The following SPATS2 variants were observed in gnomAD, a reference collection of about 807,000 sequenced individuals.
SPATS2 encodes spermatogenesis associated serine rich 2, also known as spermatogenesis-associated serine-rich protein 2.
Under a neutral mutation model 63.7 loss-of-function variants are expected in SPATS2, and 38 were observed. That is an observed-to-expected ratio of 0.60 (90% CI 0.46 to 0.78). The LOEUF (loss-of-function observed/expected upper bound fraction) is 0.78. Ranked by LOEUF, SPATS2 falls within the 30% of genes least tolerant of loss-of-function variation. The probability of loss-of-function intolerance (pLI) is 0.00; values close to 1 mark genes in which losing one functional copy is unlikely to be tolerated. For synonymous variants in SPATS2, 207 were observed against 232.9 expected (o/e 0.89, Z 1.01); for missense variants, 588 against 666.2 (o/e 0.88, Z 1.29).
intron 2 of SPATS2, among the ~76,000 whole-genome samples, chr12:49,372,058 T>C (rs1944007719): frequency 6.6e-6 from 1 of 152,058 alleles, no homozygotes; most frequent in African/African-American, 2.4e-5. Context: ...TTTTTATTTG[T>C]TTTTTTGGAG....
At chr12:49,478,905 T>A (rs1161457600) in intron 3 of SPATS2, among the ~76,000 whole-genome samples, 1 of 152,134 alleles carries the variant, frequency 6.6e-6, no homozygotes, top group African/African-American at 2.4e-5. Flanking sequence ...AGGAGCTTTA[T>A]TGAGTGTTAC....
chr12:49,411,518 A>G (rs1468614473), intron 2 of SPATS2, among the ~76,000 whole-genome samples: 2 of 152,218 alleles, frequency 1.3e-5, no homozygotes, highest in Non-Finnish European at 2.9e-5. Flanking sequence ...TTTTCTTCAT[A>G]GAGTAGACTT....
chr12:49,504,770 C>CTTTTTTTTTTTTTTTTTTTTTTT (rs745453843), intron 9 of SPATS2, among the ~76,000 whole-genome samples: 28 of 98,800 alleles, frequency 2.8e-4, no homozygotes, highest in Non-Finnish European at 4.3e-4. Flanking sequence ...TTCTTTCTTT[C>CTTTTTTTTTTTTTTTTTTTTTTT]TTTTTTTTTT....
chr12:49,514,967 GAGA>G (rs1946814277), intron 10 of SPATS2, among the ~76,000 whole-genome samples: 1 of 152,124 alleles, frequency 6.6e-6, no homozygotes, highest in African/African-American at 2.4e-5. Context: ...AGCATAATCA[GAGA>G]AGACTTCATT....
At chr12:49,428,333 AT>A (rs1474536653) in intron 2 of SPATS2, among the ~76,000 whole-genome samples, 2 of 152,072 alleles carry the variant, frequency 1.3e-5, no homozygotes, top group Non-Finnish European at 2.9e-5. Flanking sequence ...CATTTTAACC[AT>A]TTTGAAGTGG....
At chr12:49,428,945 C>G (rs1179290679) in intron 2 of SPATS2, among the ~76,000 whole-genome samples, 1 of 152,058 alleles carries the variant, frequency 6.6e-6, no homozygotes, top group Non-Finnish European at 1.5e-5. Context: ...AGTAATACAG[C>G]TGAGGATAAT....
intron 3 of SPATS2, among the ~76,000 whole-genome samples, chr12:49,470,419 C>A (rs1385885695): frequency 6.6e-6 from 1 of 152,152 alleles, no homozygotes; most frequent in South Asian, 2.1e-4. Flanking sequence ...GCCTTTTGTT[C>A]ACTTCCACCT....
In SPATS2 at chr12:49,484,613, T is replaced by C. The variant is rs1946258181; in HGVS notation, c.49T>C (p.Leu17=). ...QKDSSGFIFD[L]QSNTVLAQGG... ...AGATTCATCAGGATTCATTTTTGAT[T>C]TGCAGTCCAATACCGTACTGGCCCA... Residue 17 remains leucine (L), a synonymous_variant, in exon 4 of 14, where the codon TTG becomes CTG. Transcript: ENST00000552918. The C allele has an allele frequency of 4.3e-6, 7 of 1,613,904 alleles. No individual in the cohort carries two copies. In the South Asian group the frequency reaches 7.7e-5, roughly 18 times the overall value.
intron 2 of SPATS2, among the ~76,000 whole-genome samples, chr12:49,453,538 T>G (rs999615976): frequency 2.0e-5 from 3 of 152,122 alleles, no homozygotes; most frequent in African/African-American, 7.2e-5. Flanking sequence ...TGGGCTGGGC[T>G]CAGTGCTTCA....
At position 49,519,136 on chromosome 12, in the gene SPATS2, T is replaced by C. The variant is rs199788848; in HGVS notation, c.962T>C (p.Val321Ala). 1.9e-6 allele frequency: 3 copies of C among 1,614,108 alleles called. No individual in the cohort carries two copies. The highest frequency in any genetic ancestry group is 2.5e-6 in the Non-Finnish European group (3 of 1,180,006). Residue 321 changes from valine to alanine, a missense_variant, in exon 11 of 14, where the codon GTT becomes GCT. Val to Ala is a moderately conservative substitution (Grantham distance 64, BLOSUM62 0). Transcript: ENST00000552918. ...ELLKKMTHVA[V>A]QMSEQQLVEL... ...CTAAAGAAGATGACTCATGTGGCTG[T>C]TCAAATGTCAGAGCAGCAATTGGTT...
At chr12:49,493,003 C>G (rs1946407756) in intron 6 of SPATS2, among the ~76,000 whole-genome samples, 1 of 150,978 alleles carries the variant, frequency 6.6e-6, no homozygotes, top group Non-Finnish European at 1.5e-5. Flanking sequence ...GAGGCCAAGT[C>G]AGGAGAATTG....
intron 2 of SPATS2, among the ~76,000 whole-genome samples, chr12:49,438,608 A>T (rs1945359230): frequency 1.3e-5 from 2 of 152,206 alleles, no homozygotes; most frequent in Admixed American, 1.3e-4. Flanking sequence ...GTCTATTTTT[A>T]AAAAATTTTA....
intron 2 of SPATS2, among the ~76,000 whole-genome samples, chr12:49,438,421 G>A (rs1409815082): frequency 1.3e-5 from 2 of 152,198 alleles, no homozygotes; most frequent in African/African-American, 4.8e-5. Flanking sequence ...GTAGCCATAT[G>A]TACTTATTTC....
chr12:49,415,052 G>A lies in SPATS2; in HGVS notation c.-244+43762G>A, dbSNP rs918635868. Among the ~76,000 whole-genome samples the A allele has an allele frequency of 3.4e-5, 5 of 147,790 alleles. No homozygotes were observed. The East Asian group carries it at 9.9e-4, about 29-fold the overall frequency. The stretch of plus-strand genomic sequence containing the variant: ...CCTCCCGCATTCAAGTGATTCTCCT[G>A]CCTTAGCCTCCCGAGTAGAGGCACG... On this transcript the variant is annotated intron_variant, in intron 2 of 13. Transcript: ENST00000552918.
At chr12:49,484,505 C>T (rs1031103372) in intron 3 of SPATS2, 85 bp from the exon 4 acceptor site, 27 of 1,325,878 alleles carry the variant, frequency 2.0e-5, no homozygotes, top group Middle Eastern at 1.9e-4. Flanking sequence ...TTTTATGGGA[C>T]GAAAGCAGCC....
At chr12:49,517,240 G>A (rs769598237) in intron 10 of SPATS2, among the ~76,000 whole-genome samples, 2 of 152,196 alleles carry the variant, frequency 1.3e-5, no homozygotes, top group Non-Finnish European at 2.9e-5. Context: ...GGGCTTTGGC[G>A]TTAAGAAACT....
At chr12:49,377,725 G>C (rs1283972184) in intron 2 of SPATS2, among the ~76,000 whole-genome samples, 1 of 152,074 alleles carries the variant, frequency 6.6e-6, no homozygotes, top group Non-Finnish European at 1.5e-5. Context: ...AATATTGATA[G>C]TATAGTTATT....
chr12:49,442,052 T>G (rs1461934293), intron 2 of SPATS2, among the ~76,000 whole-genome samples: 4 of 152,176 alleles, frequency 2.6e-5, no homozygotes, highest in Non-Finnish European at 4.4e-5. Flanking sequence ...AAGAATTGAA[T>G]GCACAACTCT....
At chr12:49,445,261 A>G (rs1435085131) in intron 2 of SPATS2, among the ~76,000 whole-genome samples, 1 of 152,144 alleles carries the variant, frequency 6.6e-6, no homozygotes, top group East Asian at 1.9e-4. Context: ...GGCCTTTATA[A>G]AGGTGAGAAC....
Sources: gnomAD v4.1 joint callset for allele counts (sites outside exome capture counted in the v4.1 genomes callset) on GRCh38, gnomAD v4.1.1 for gene constraint, MANE v1.5 for transcripts, NCBI Gene and HGNC (gene_info 2026-07-23, HGNC 2026-07-21) for gene names.